FTCDNL1: variants seen among roughly 807,000 people sequenced by gnomAD.
The protein encoded by FTCDNL1 is formiminotransferase N-terminal subdomain-containing protein.
In FTCDNL1, 11 loss-of-function variants were observed where a neutral mutation model predicts 5.9. That is an observed-to-expected ratio of 1.87 (90% confidence interval 1.18 to 3.10). The LOEUF (loss-of-function observed/expected upper bound fraction) is 3.10, where lower values mean the gene tolerates loss of function less well. Ranked by LOEUF, FTCDNL1 falls within the 30% of genes most tolerant of loss-of-function variation. FTCDNL1 has a pLI of 0.00. For synonymous variants in FTCDNL1, 58 were observed against 24.8 expected, an observed-to-expected ratio of 2.34 and a Z score of -3.99; for missense variants, 115 against 65.5, an observed-to-expected ratio of 1.76 and a Z score of -2.61.
At chr2:199,758,305 A>T (rs1698138689), downstream of FTCDNL1, among the ~76,000 whole-genome samples, 1 of 152,118 alleles carries the variant, frequency 6.6e-6, no homozygotes, top group Non-Finnish European at 1.5e-5. Flanking sequence ...TAAATAAATG[A>T]GAAAACAAAC....
chr2:199,754,773 T>C, the FTCDNL1 span, among the ~76,000 whole-genome samples: 1 of 152,230 alleles, frequency 6.6e-6, no homozygotes, highest in Non-Finnish European at 1.5e-5. Context: ...AGTTTAGTTA[T>C]GCAGTGATTT....
chr2:199,710,532 G>A, the FTCDNL1 span, among the ~76,000 whole-genome samples: 2 of 152,084 alleles, frequency 1.3e-5, no homozygotes, highest in African/African-American at 4.8e-5. Context: ...TGTTCCCAGC[G>A]ACTTTATAGA....
At chr2:199,784,182 T>C (rs890237779) in intron 3 of FTCDNL1, among the ~76,000 whole-genome samples, 1 of 152,216 alleles carries the variant, frequency 6.6e-6, no homozygotes, top group African/African-American at 2.4e-5. Context: ...GTAGGACTTC[T>C]TGGTGATTAT....
intron 4 of FTCDNL1, among the ~76,000 whole-genome samples, chr2:199,816,558 T>A (rs1425359332): frequency 6.6e-6 from 1 of 152,218 alleles, no homozygotes; most frequent in Non-Finnish European, 1.5e-5. Context: ...TTCTTACATA[T>A]AATATAAACA....
chr2:199,747,101 T>C, the FTCDNL1 span, among the ~76,000 whole-genome samples: 8 of 151,606 alleles, frequency 5.3e-5, no homozygotes, highest in African/African-American at 1.9e-4. Context: ...TAAAGATCCT[T>C]GAACATCAGA....
the FTCDNL1 span, among the ~76,000 whole-genome samples, chr2:199,702,843 G>A: frequency 3.9e-5 from 6 of 152,244 alleles, no homozygotes; most frequent in South Asian, 6.2e-4. Flanking sequence ...AAGTGAGGAC[G>A]GGAGCCCTGA....
At chr2:199,713,434 GACATGGCACAGGT>G in the FTCDNL1 span, among the ~76,000 whole-genome samples, 1 of 152,162 alleles carries the variant, frequency 6.6e-6, no homozygotes, top group Non-Finnish European at 1.5e-5. Flanking sequence ...GAGCTTCCCA[GACATGGCACAGGT>G]AATGAGAAGC....
chr2:199,699,553 G>A, the FTCDNL1 span, among the ~76,000 whole-genome samples: 2 of 152,108 alleles, frequency 1.3e-5, no homozygotes, highest in Non-Finnish European at 2.9e-5. Flanking sequence ...CTCATTCTAT[G>A]AGGCAGCATC....
chr2:199,801,762 C>A (rs1256978032), intron 3 of FTCDNL1, among the ~76,000 whole-genome samples: 2 of 151,812 alleles, frequency 1.3e-5, no homozygotes, highest in African/African-American at 4.8e-5. Flanking sequence ...CACCGTGAAA[C>A]CCCGTCTGTA....
intron 3 of FTCDNL1, among the ~76,000 whole-genome samples, chr2:199,821,972 A>T (rs965391285): frequency 6.6e-6 from 1 of 152,254 alleles, no homozygotes; most frequent in Non-Finnish European, 1.5e-5. Flanking sequence ...ATCGCTGGCA[A>T]ATATCACAAT....
chr2:199,732,412 T>C, the FTCDNL1 span, among the ~76,000 whole-genome samples: 1 of 152,218 alleles, frequency 6.6e-6, no homozygotes, highest in Non-Finnish European at 1.5e-5. Context: ...GGGTGAGGCA[T>C]TGTACTAAAT....
the FTCDNL1 span, among the ~76,000 whole-genome samples, chr2:199,689,054 A>G: frequency 6.6e-6 from 1 of 152,228 alleles, no homozygotes; most frequent in Non-Finnish European, 1.5e-5. Context: ...ATACCAAAAC[A>G]TATGGAAATA....
intron 3 of FTCDNL1, among the ~76,000 whole-genome samples, chr2:199,828,968 G>A (rs568774939): frequency 5.3e-5 from 8 of 152,148 alleles, no homozygotes; most frequent in Non-Finnish European, 1.2e-4. Context: ...CCACAGTCGT[G>A]TTAACGTTTT....
At chr2:199,832,141 T>C (rs1015536642) in intron 3 of FTCDNL1, among the ~76,000 whole-genome samples, 1 of 152,222 alleles carries the variant, frequency 6.6e-6, no homozygotes. Flanking sequence ...TAGAGATATG[T>C]ATACAGAAGC....
At chr2:199,701,507 G>A in the FTCDNL1 span, among the ~76,000 whole-genome samples, 3 of 151,972 alleles carry the variant, frequency 2.0e-5, no homozygotes, top group South Asian at 2.1e-4. Context: ...ACATATGCAC[G>A]CATATGTTCA....
intron 3 of FTCDNL1, among the ~76,000 whole-genome samples, chr2:199,788,692 G>A (rs1011183741): frequency 1.3e-5 from 2 of 151,798 alleles, no homozygotes; most frequent in African/African-American, 4.8e-5. Flanking sequence ...AATAAAAGGT[G>A]AAATTAATAA....
At chr2:199,767,647 T>C (rs1698599767) in intron 3 of FTCDNL1, among the ~76,000 whole-genome samples, 1 of 152,154 alleles carries the variant, frequency 6.6e-6, no homozygotes, top group African/African-American at 2.4e-5. Context: ...TTCAGAGAGC[T>C]GCTTGGTCCT....
At chr2:199,667,832 A>T in the FTCDNL1 span, among the ~76,000 whole-genome samples, 1 of 152,188 alleles carries the variant, frequency 6.6e-6, no homozygotes, top group African/African-American at 2.4e-5. Context: ...AATGAGGCAT[A>T]AGCCTCATAG....
chr2:199,776,707 T>G (rs1284496788), intron 3 of FTCDNL1, among the ~76,000 whole-genome samples: 8 of 152,096 alleles, frequency 5.3e-5, no homozygotes, highest in Non-Finnish European at 1.0e-4. Flanking sequence ...CCACCCAAAC[T>G]GGAGTTCAGA....
Sources: allele counts gnomAD v4.1 joint callset (sites outside exome capture counted in the v4.1 genomes callset), GRCh38; gene constraint gnomAD v4.1.1; transcripts MANE v1.5; gene names NCBI Gene and HGNC (gene_info 2026-07-23, HGNC 2026-07-21).